BTG4: variants seen among roughly 807,000 people sequenced by gnomAD.
The protein encoded by BTG4 is protein BTG4.
A neutral mutation model predicts 19.3 loss-of-function variants in BTG4; 10 were observed. That is an observed-to-expected ratio of 0.52 (90% CI 0.32 to 0.88). The LOEUF (loss-of-function observed/expected upper bound fraction) is 0.88. Among genes scored for constraint, BTG4 ranks in the 40% least tolerant of loss-of-function variants. The pLI, the probability that BTG4 is intolerant of heterozygous loss-of-function variation, is 0.04. For synonymous variants in BTG4, 91 were observed against 95.7 expected, an observed-to-expected ratio of 0.95 and a Z score of 0.29; for missense variants, 238 against 281.9, an observed-to-expected ratio of 0.84 and a Z score of 1.11.
chr11:111,488,637 T>C (rs754214640), intron 5 of BTG4, among the ~76,000 whole-genome samples: 8 of 148,606 alleles, frequency 5.4e-5, no homozygotes, highest in Non-Finnish European at 1.0e-4. Context: ...GCAAAGGAAA[T>C]AATCAACAAA....
the BTG4 span, among the ~76,000 whole-genome samples, chr11:111,406,634 T>G: frequency 6.6e-6 from 1 of 152,274 alleles, no homozygotes; most frequent in East Asian, 1.9e-4. Context: ...TATAGCCCAT[T>G]TAGTTGGACC....
the BTG4 span, among the ~76,000 whole-genome samples, chr11:111,443,053 A>C: frequency 6.6e-6 from 1 of 152,232 alleles, no homozygotes; most frequent in African/African-American, 2.4e-5. Flanking sequence ...CAACACCAAC[A>C]GTGATACATC....
In BTG4 at chr11:111,484,518, T is replaced by A. The variant is rs906080035; in HGVS notation, c.662+10645A>T. On this transcript the variant is annotated intron_variant, in intron 5 of 5. Coordinates refer to the BTG4 transcript ENST00000356018. ...GAGGAGATGGAGTTCAAGTGTAGTG[T>A]TTTAATTTTATCTTTGCTTTGCTTT... is the stretch of plus-strand genomic sequence containing the variant. Among the ~76,000 whole-genome samples the A allele has an allele frequency of 3.9e-5, 6 of 152,252 alleles. No individual in the cohort carries two copies. In the East Asian group the frequency reaches 9.6e-4, roughly 24 times the overall value.
chr11:111,497,517 A>T (rs2135678240), intron 3 of BTG4, 108 bp from the exon 4 acceptor site: 5 of 693,180 alleles, frequency 7.2e-6, no homozygotes, highest in Non-Finnish European at 1.1e-5. Context: ...AAATTGCCTT[A>T]AAAAATTGAA....
chr11:111,406,478 CAAG>C, the BTG4 span, among the ~76,000 whole-genome samples: 3 of 152,352 alleles, frequency 2.0e-5, no homozygotes, highest in South Asian at 6.2e-4. Flanking sequence ...GCTCACTTTT[CAAG>C]AAGAATCCCT....
the BTG4 span, among the ~76,000 whole-genome samples, chr11:111,392,075 G>GAGAGATGA: frequency 1.3e-5 from 2 of 151,380 alleles, no homozygotes. Context: ...AATAGGACCA[G>GAGAGATGA]AGAGATGAAA....
chr11:111,419,462 G>A, the BTG4 span, among the ~76,000 whole-genome samples: 3 of 152,330 alleles, frequency 2.0e-5, no homozygotes, highest in Middle Eastern at 3.4e-3. Context: ...CAGCACTGGT[G>A]CTACCTGAGG....
the BTG4 span, among the ~76,000 whole-genome samples, chr11:111,442,169 C>CAATAAAAA: frequency 6.6e-6 from 1 of 151,952 alleles, no homozygotes; most frequent in East Asian, 1.9e-4. Context: ...ACCAGAACTC[C>CAATAAAAA]TTGGGGATAT....
At chr11:111,439,056 C>T in the BTG4 span, among the ~76,000 whole-genome samples, 2 of 152,244 alleles carry the variant, frequency 1.3e-5, no homozygotes, top group African/African-American at 4.8e-5. Context: ...CCCGCACACC[C>T]ACCCGCTGGG....
upstream of BTG4, among the ~76,000 whole-genome samples, chr11:111,513,238 G>A (rs1867080234): frequency 6.6e-6 from 1 of 152,210 alleles, no homozygotes. Context: ...CTCATGCCAG[G>A]AAAGCAAAAT....
the BTG4 span, among the ~76,000 whole-genome samples, chr11:111,401,901 G>C: frequency 6.6e-6 from 1 of 152,190 alleles, no homozygotes; most frequent in Non-Finnish European, 1.5e-5. Flanking sequence ...TTCTGGGCTT[G>C]TACAAAGATA....
the BTG4 span, among the ~76,000 whole-genome samples, chr11:111,414,087 A>C: frequency 3.3e-5 from 5 of 152,178 alleles, no homozygotes; most frequent in South Asian, 2.1e-4. Context: ...CCAATTAGTC[A>C]TGTACCACCT....
chr11:111,467,518 C>CA, downstream of BTG4: 1 of 541,018 alleles, frequency 1.8e-6, no homozygotes, highest in Non-Finnish European at 3.3e-6. Flanking sequence ...AATTTTTTAG[C>CA]AAAAGGATAG....
the BTG4 span, among the ~76,000 whole-genome samples, chr11:111,426,627 C>T: frequency 6.6e-6 from 1 of 152,022 alleles, no homozygotes; most frequent in Admixed American, 6.6e-5. Context: ...CTCAGTTTTC[C>T]CATTGCTACC....
the BTG4 span, among the ~76,000 whole-genome samples, chr11:111,429,395 T>C: frequency 6.6e-6 from 1 of 152,196 alleles, no homozygotes. Flanking sequence ...CAAGGGAGGT[T>C]AAGCAGCCTG....
chr11:111,401,710 A>G, the BTG4 span, among the ~76,000 whole-genome samples: 1 of 152,254 alleles, frequency 6.6e-6, no homozygotes, highest in Non-Finnish European at 1.5e-5. Flanking sequence ...TGTGCATCAT[A>G]AACTTAAATT....
At chr11:111,423,158 C>T in the BTG4 span, among the ~76,000 whole-genome samples, 1 of 152,150 alleles carries the variant, frequency 6.6e-6, no homozygotes, top group Admixed American at 6.5e-5. Flanking sequence ...GATAGCCCCT[C>T]CACCCCGAGT....
At chr11:111,496,488 A>G (rs1865740069) in intron 4 of BTG4, 2 of 152,208 alleles carry the variant, frequency 1.3e-5, no homozygotes, top group South Asian at 4.1e-4. Flanking sequence ...ATATCTGCCA[A>G]TAATAAGTTA....
chr11:111,483,811 A>C (rs1376458546), intron 5 of BTG4, among the ~76,000 whole-genome samples: 1 of 152,176 alleles, frequency 6.6e-6, no homozygotes, highest in Non-Finnish European at 1.5e-5. Flanking sequence ...TCAGGGTAGA[A>C]AGTTCATTCA....
Sources: allele counts gnomAD v4.1 joint callset (sites outside exome capture counted in the v4.1 genomes callset), GRCh38; gene constraint gnomAD v4.1.1; transcripts MANE v1.5; gene names NCBI Gene and HGNC (gene_info 2026-07-23, HGNC 2026-07-21).